The following ERC1 variants were observed in gnomAD, a reference collection of about 807,000 sequenced individuals.
ERC1 encodes RAB6 interacting protein 2.
In ERC1, 56 loss-of-function variants were observed where a neutral mutation model predicts 132.0. That is an observed-to-expected ratio of 0.42 (90% confidence interval 0.34 to 0.53). ERC1 has a LOEUF of 0.53. Among genes scored for constraint, ERC1 ranks in the 20% least tolerant of loss-of-function variants. The pLI is 0.03. For synonymous variants in ERC1, 478 were observed against 476.1 expected (o/e 1.00, Z -0.05); for missense variants, 1,202 against 1,349.9 (o/e 0.89, Z 1.72).
chr12:1,372,084 A>C, intron 16 of ERC1, 107 bp downstream of exon 16: 1 of 1,290,840 alleles, frequency 7.7e-7, no homozygotes, highest in Non-Finnish European at 1.1e-6. Flanking sequence ...CATATTAGAC[A>C]TCTGATCATT....
At chr12:1,138,161 A>G (rs1392595909) in intron 7 of ERC1, among the ~76,000 whole-genome samples, 2 of 86,962 alleles carry the variant, frequency 2.3e-5, no homozygotes, top group Non-Finnish European at 2.3e-5. Flanking sequence ...TTTACATAAT[A>G]TATATAATTG....
rs755508893 is a variant in ERC1, at chr12:1,484,081, G to A, written c.3214-6012G>A. 3.2e-4 allele frequency among the ~76,000 whole-genome samples: 31 copies of A among 96,530 alleles called. No homozygotes were observed. The South Asian group carries it at 4.3e-3, about 13-fold the overall frequency. The allele number at this position is 96,530 out of a possible 152,430, so 63.3% of individuals were successfully genotyped here. ...AGCACTTTGGGAGGCTGAGGCGGGC[G>A]GATCACGAGGTCAGGAGATCAAGAC... is the stretch of plus-strand genomic sequence containing the variant. On this transcript the variant is annotated intron_variant, in intron 18 of 18. Transcript: ENST00000360905.
At chr12:1,474,027 G>A (rs1005761219) in intron 18 of ERC1, among the ~76,000 whole-genome samples, 1 of 152,164 alleles carries the variant, frequency 6.6e-6, no homozygotes, top group African/African-American at 2.4e-5. Context: ...TATTCCAGTT[G>A]TGTGAAATTC....
chr12:1,456,693 A>G (rs776387757), intron 18 of ERC1, among the ~76,000 whole-genome samples: 2 of 151,816 alleles, frequency 1.3e-5, no homozygotes, highest in Non-Finnish European at 2.9e-5. Flanking sequence ...GCCAAGGGGG[A>G]GCACACATCA....
chr12:1,357,739 A>G (rs1055586777), intron 15 of ERC1, among the ~76,000 whole-genome samples: 3 of 152,240 alleles, frequency 2.0e-5, no homozygotes, highest in Non-Finnish European at 4.4e-5. Context: ...TAATAAAGAC[A>G]AAATGAGAGA....
chr12:1,196,435 C>T (rs894350233), intron 12 of ERC1, among the ~76,000 whole-genome samples: 6 of 151,140 alleles, frequency 4.0e-5, no homozygotes, highest in African/African-American at 1.5e-4. Context: ...ATTTTAGCTG[C>T]CCTGTCTACA....
At chr12:1,475,127 C>T (rs897094122) in intron 18 of ERC1, among the ~76,000 whole-genome samples, 4 of 152,180 alleles carry the variant, frequency 2.6e-5, no homozygotes, top group African/African-American at 9.7e-5. Flanking sequence ...TCCCGTATTC[C>T]ATCCCTTAAG....
At chr12:1,441,059 GA>G (rs1437992728) in intron 17 of ERC1, among the ~76,000 whole-genome samples, 1 of 150,980 alleles carries the variant, frequency 6.6e-6, no homozygotes, top group African/African-American at 2.4e-5. Context: ...AAATCTGTTT[GA>G]AAATTTTTTT....
At chr12:1,255,044 T>C (rs2076702618) in intron 13 of ERC1, among the ~76,000 whole-genome samples, 1 of 151,850 alleles carries the variant, frequency 6.6e-6, no homozygotes, top group South Asian at 2.1e-4. Flanking sequence ...GCTGCACCCA[T>C]CAACCTGTCA....
At chr12:1,465,663 C>T (rs1213389777) in intron 18 of ERC1, among the ~76,000 whole-genome samples, 2 of 152,220 alleles carry the variant, frequency 1.3e-5, no homozygotes, top group African/African-American at 4.8e-5. Flanking sequence ...CTGCCATTCT[C>T]CACTTGACTC....
intron 15 of ERC1, among the ~76,000 whole-genome samples, chr12:1,370,893 A>G (rs998713180): frequency 2.6e-5 from 4 of 152,064 alleles, no homozygotes; most frequent in African/African-American, 9.7e-5. Flanking sequence ...GCACCCAGCT[A>G]ATTTTTGTAT....
intron 8 of ERC1, among the ~76,000 whole-genome samples, chr12:1,146,307 GGTTTTTTTTT>G (rs1404905214): frequency 1.7e-5 from 1 of 59,394 alleles, no homozygotes; most frequent in Non-Finnish European, 3.1e-5. Flanking sequence ...GTATTTTACT[GGTTTTTTTTT>G]TTTTTTTTTT....
intron 18 of ERC1, among the ~76,000 whole-genome samples, chr12:1,460,521 A>G (rs2093624108): frequency 6.6e-6 from 1 of 152,318 alleles, no homozygotes; most frequent in African/African-American, 2.4e-5. Flanking sequence ...TTTCATTACC[A>G]TTACAGTGTT....
intron 7 of ERC1, among the ~76,000 whole-genome samples, chr12:1,131,727 G>A (rs965682530): frequency 2.0e-5 from 3 of 152,174 alleles, no homozygotes; most frequent in Non-Finnish European, 4.4e-5. Flanking sequence ...GCCTCCCAAA[G>A]TGCTGGGATT....
At chr12:1,275,264 G>A (rs1402472073) in intron 14 of ERC1, among the ~76,000 whole-genome samples, 52 of 152,034 alleles carry the variant, frequency 3.4e-4, no homozygotes, top group Admixed American at 3.4e-3. Context: ...GAGGCAGGTC[G>A]ATCACCTGAG....
At chr12:1,371,305 C>T (rs981134390) in intron 15 of ERC1, among the ~76,000 whole-genome samples, 1 of 152,186 alleles carries the variant, frequency 6.6e-6, no homozygotes, top group Non-Finnish European at 1.5e-5. Context: ...CCTTCTGTGA[C>T]TGGCTTATTT....
chr12:1,474,328 C>T (rs2093928056), intron 18 of ERC1, among the ~76,000 whole-genome samples: 1 of 152,206 alleles, frequency 6.6e-6, no homozygotes, highest in African/African-American at 2.4e-5. Context: ...AGGAATTAAT[C>T]TGAGTCACTG....
chr12:1,180,170 C>G (rs1257407818), intron 8 of ERC1, among the ~76,000 whole-genome samples: 2 of 152,102 alleles, frequency 1.3e-5, no homozygotes, highest in Non-Finnish European at 2.9e-5. Flanking sequence ...TAGAAGTAAT[C>G]CTAGTCCTCA....
intron 15 of ERC1, among the ~76,000 whole-genome samples, chr12:1,349,286 C>G (rs1432997506): frequency 2.6e-5 from 4 of 152,180 alleles, no homozygotes. Context: ...GGCTTCAAGG[C>G]TTCAGTAAAT....
Sources: gnomAD v4.1 joint callset for allele counts (sites outside exome capture counted in the v4.1 genomes callset) on GRCh38, gnomAD v4.1.1 for gene constraint, MANE v1.5 for transcripts, NCBI Gene and HGNC (gene_info 2026-07-23, HGNC 2026-07-21) for gene names.